Variants in CDH3 observed in about 807,000 individuals in gnomAD.
CDH3 encodes the protein cadherin 3, also known as cadherin-3.
A neutral mutation model predicts 82.0 loss-of-function variants in CDH3; 54 were observed. That is an observed-to-expected ratio of 0.66 (90% CI 0.53 to 0.83). The LOEUF (loss-of-function observed/expected upper bound fraction) is 0.83, where lower values mean the gene tolerates loss of function less well. CDH3 is among the 40% of genes least tolerant of loss of function. The pLI, the probability that CDH3 is intolerant of heterozygous loss-of-function variation, is 0.00. For missense variants in CDH3, 1,054 were observed against 1,084.6 expected (o/e 0.97, Z 0.40); for synonymous variants, 446 against 437.9 (o/e 1.02, Z -0.23).
intron 3 of CDH3, 27 bp downstream of exon 3, chr16:68,676,497 C>T: frequency 2.6e-6 from 4 of 1,558,798 alleles, no homozygotes; most frequent in Non-Finnish European, 3.5e-6. Context: ...ACCTGCAGGA[C>T]AAAAGAAAGA....
At chr16:68,674,836 C>T (rs570685532) in intron 2 of CDH3, among the ~76,000 whole-genome samples, 1 of 152,138 alleles carries the variant, frequency 6.6e-6, no homozygotes, top group African/African-American at 2.4e-5. Flanking sequence ...TCATCTGGGC[C>T]GGATGCAGTG....
chr16:68,729,712 A>G (rs947840147), downstream of CDH3, among the ~76,000 whole-genome samples: 7 of 151,902 alleles, frequency 4.6e-5, no homozygotes, highest in Non-Finnish European at 4.4e-5. Context: ...GCTCACTGCA[A>G]CCTCGACCTC....
chr16:68,681,176 C>T, intron 8 of CDH3, 80 bp downstream of exon 8: 1 of 1,504,884 alleles, frequency 6.6e-7, no homozygotes, highest in Non-Finnish European at 9.2e-7. Context: ...TGGAACCAGT[C>T]TATATTGCTT....
At chr16:68,647,193 A>G (rs1267405570) in intron 2 of CDH3, among the ~76,000 whole-genome samples, 5 of 152,128 alleles carry the variant, frequency 3.3e-5, no homozygotes, top group Non-Finnish European at 5.9e-5. Flanking sequence ...CAGGGCCCCA[A>G]ATCCAATTCC....
chr16:68,674,671 G>A (rs1054340431), intron 2 of CDH3, among the ~76,000 whole-genome samples: 10 of 152,128 alleles, frequency 6.6e-5, no homozygotes, highest in African/African-American at 2.4e-4. Flanking sequence ...GGAGGTTGAG[G>A]CTGTAGTGAG....
chr16:68,716,634 A>AG (rs1407718562), intron 1 of CDH3, among the ~76,000 whole-genome samples: 40 of 148,492 alleles, frequency 2.7e-4, no homozygotes, highest in Admixed American at 5.4e-4. Flanking sequence ...AAAAAAAAAA[A>AG]AAAAAGAAAA....
chr16:68,725,837 T>C (rs997844584), intron 2 of CDH3, among the ~76,000 whole-genome samples: 1 of 151,898 alleles, frequency 6.6e-6, no homozygotes, highest in African/African-American at 2.4e-5. Context: ...GTGGATTGCT[T>C]GAGCCCAGGA....
At chr16:68,657,219 A>G (rs1960429817) in intron 2 of CDH3, among the ~76,000 whole-genome samples, 1 of 152,148 alleles carries the variant, frequency 6.6e-6, no homozygotes, top group South Asian at 2.1e-4. Flanking sequence ...ACCTGGGGAA[A>G]GAAAGCCAAA....
At chr16:68,700,314 G>A (rs894282309), downstream of CDH3, 1 of 152,202 alleles carries the variant, frequency 6.6e-6, no homozygotes, top group Admixed American at 6.5e-5. Context: ...TCTGTAAAGC[G>A]TCTCTGCTCA....
chr16:68,679,889 A>C lies in CDH3; in HGVS notation c.782A>C (p.Glu261Ala), dbSNP rs1411948042. 6.2e-7 allele frequency: 1 copy of C among 1,614,042 alleles called. No individual in the cohort carries two copies. The highest frequency in any genetic ancestry group is 8.5e-7 in the Non-Finnish European group (1 of 1,179,954). ...GTTGCTTACTCCATCCATAGCCAAG[A>C]ACCAAAGGACCCACACGACCTCATG... Reference protein sequence around the residue: ...GVVAYSIHSQEPKDPHDLMFT... With the variant: ...GVVAYSIHSQAPKDPHDLMFT... Residue 261 changes from glutamate to alanine, a missense_variant, in exon 7 of 16, where the codon GAA (glutamate) becomes GCA (alanine). Transcript: ENST00000264012.
At chr16:68,705,423 C>T (rs1176516439) in intron 1 of CDH3, among the ~76,000 whole-genome samples, 6 of 151,722 alleles carry the variant, frequency 4.0e-5, no homozygotes, top group African/African-American at 7.3e-5. Context: ...CTGTGCAAGA[C>T]ACTGGTTTTT....
At chr16:68,656,241 C>T (rs1001593154) in intron 2 of CDH3, among the ~76,000 whole-genome samples, 2 of 152,128 alleles carry the variant, frequency 1.3e-5, no homozygotes, top group African/African-American at 4.8e-5. Context: ...CCCAGTTGTA[C>T]CAGTATGGAG....
Position 68,645,383 on chromosome 16 carries a change from G to A in CDH3, c.4G>A (p.Gly2Arg). The A allele has an allele frequency of 6.2e-7, 1 of 1,613,384 alleles. No individual in the cohort carries two copies. The highest frequency in any genetic ancestry group is 8.5e-7 in the Non-Finnish European group (1 of 1,179,742). M[G>R]LPRGPLASLL... ...CTTCACCCCTCTCTCTGCAGCCATG[G>A]GGCTCCCTCGTGGACCTCTCGCGTC... The change falls in exon 1 of 16, where the codon GGG becomes AGG. Residue 2 changes from glycine (G) to arginine (R), a missense_variant. Gly to Arg is a moderately radical substitution (Grantham distance 125). Coordinates refer to ENST00000264012, the MANE Select transcript of CDH3 (RefSeq NM_001793.6).
At chr16:68,696,018 G>C (rs1295437553) in intron 15 of CDH3, 95 bp downstream of exon 15, 1 of 1,392,656 alleles carries the variant, frequency 7.2e-7, no homozygotes, top group South Asian at 1.2e-5. Flanking sequence ...CTTGGGTCTG[G>C]GTTCAAATTC....
intron 2 of CDH3, chr16:68,651,999 C>A: frequency 4.5e-6 from 1 of 223,354 alleles, no homozygotes. Flanking sequence ...TAGAGGTGAC[C>A]AACGGGCCCT....
chr16:68,691,366 A>G (rs535493638), intron 12 of CDH3, among the ~76,000 whole-genome samples: 1 of 152,314 alleles, frequency 6.6e-6, no homozygotes, highest in East Asian at 1.9e-4. Flanking sequence ...GCTATCTTTT[A>G]GGAAGAATAT....
rs1223751426 is a variant in CDH3 at position 68,698,606 on chromosome 16, T to G, written c.*206T>G. 1.7e-6 allele frequency: 1 copy of G among 592,302 alleles called. No homozygotes were observed. Among genetic ancestry groups the G allele is most frequent in the African/African-American group, 1.9e-5 (1 of 53,850 alleles). The allele number at this position is 592,302 out of a possible 1,614,324, so 36.7% of individuals were successfully genotyped here. ...AATGTGGGCAGTTTGACTTCAGCAC[T>G]GAAAACCTCTCCACCTGGGCCAGGG... On this transcript the variant is annotated 3_prime_UTR_variant, in exon 16 of 16. Coordinates refer to ENST00000264012, the MANE Select transcript of CDH3 (RefSeq NM_001793.6).
intron 1 of CDH3, among the ~76,000 whole-genome samples, chr16:68,718,579 G>A (rs936875060): frequency 2.6e-5 from 4 of 152,128 alleles, no homozygotes; most frequent in South Asian, 2.1e-4. Context: ...CTACTCGGGA[G>A]GCTGAGACAA....
chr16:68,645,603 C>G (rs1438971135), intron 1 of CDH3, 33 bp from the exon 2 acceptor site: 10 of 1,522,004 alleles, frequency 6.6e-6, no homozygotes, highest in South Asian at 1.2e-5. Flanking sequence ...ACGCCTGGAC[C>G]CAGCCTCCTT....
Sources: allele counts gnomAD v4.1 joint callset (sites outside exome capture counted in the v4.1 genomes callset), GRCh38; gene constraint gnomAD v4.1.1; transcripts MANE v1.5; gene names NCBI Gene and HGNC (gene_info 2026-07-23, HGNC 2026-07-21).